Variants in RBM20 observed in about 807,000 individuals in gnomAD.
RBM20 encodes RNA-binding protein 20.
Under a neutral mutation model 110.1 loss-of-function variants are expected in RBM20, and 51 were observed. That is an observed-to-expected ratio of 0.46 (90% confidence interval 0.37 to 0.59). RBM20 has a LOEUF of 0.59. Among genes scored for constraint, RBM20 ranks in the 20% least tolerant of loss-of-function variants. The probability of loss-of-function intolerance (pLI) is 0.00; values close to 1 mark genes in which losing one functional copy is unlikely to be tolerated. For synonymous variants in RBM20, 589 were observed against 618.2 expected (o/e 0.95, Z 0.70); for missense variants, 1,512 against 1,574.9 (o/e 0.96, Z 0.68).
intron 1 of RBM20, among the ~76,000 whole-genome samples, chr10:110,710,792 A>C (rs1469734879): frequency 1.3e-5 from 2 of 152,226 alleles, no homozygotes; most frequent in African/African-American, 4.8e-5. Context: ...GAGAAGGAGA[A>C]GTGAGGTCAG....
intron 9 of RBM20, among the ~76,000 whole-genome samples, chr10:110,814,706 G>C (rs981976283): frequency 1.1e-4 from 16 of 152,190 alleles, no homozygotes; most frequent in Non-Finnish European, 2.1e-4. Flanking sequence ...ATGTTGGTCA[G>C]GCTGGTCTCG....
intron 1 of RBM20, among the ~76,000 whole-genome samples, chr10:110,729,438 C>T (rs369763394): frequency 7.4e-4 from 113 of 152,320 alleles, no homozygotes; most frequent in African/African-American, 2.4e-3. Flanking sequence ...GTGAGGTTCA[C>T]ACCCTCTTAT....
rs570026226 is a variant in RBM20 at position 110,826,247 on chromosome 10, C to T, written c.3451+2633C>T. 1.6e-4 allele frequency among the ~76,000 whole-genome samples: 25 copies of T among 152,216 alleles called. No homozygotes were observed. In the East Asian group the frequency reaches 4.6e-3, roughly 28 times the overall value. On this transcript the variant is annotated intron_variant, in intron 12 of 13. Coordinates refer to ENST00000369519, the MANE Select transcript of RBM20 (RefSeq NM_001134363.3). ...GTATCTCACCTTTTTAAAATTGGCT[C>T]TATTGAGTTATAATGGATATAAAGT...
intron 9 of RBM20, among the ~76,000 whole-genome samples, chr10:110,813,677 A>T (rs989746276): frequency 6.6e-6 from 1 of 152,086 alleles, no homozygotes; most frequent in African/African-American, 2.4e-5. Context: ...TCTACTAAAA[A>T]TACAAAAATT....
At chr10:110,714,607 C>G (rs1862988483) in intron 1 of RBM20, among the ~76,000 whole-genome samples, 1 of 152,250 alleles carries the variant, frequency 6.6e-6, no homozygotes, top group African/African-American at 2.4e-5. Context: ...GGAGGAGCTG[C>G]TGCCCCAAGA....
chr10:110,801,850 A>G (rs1003886051), intron 7 of RBM20, among the ~76,000 whole-genome samples: 17 of 152,026 alleles, frequency 1.1e-4, no homozygotes, highest in African/African-American at 4.1e-4. Context: ...TGGCCAGTTT[A>G]TCACAGTTTT....
At chr10:110,667,187 T>G (rs542943131) in intron 1 of RBM20, among the ~76,000 whole-genome samples, 174 of 152,344 alleles carry the variant, frequency 1.1e-3, no homozygotes, top group African/African-American at 4.1e-3. Flanking sequence ...AGGTCTCTGA[T>G]GTTCATTTAG....
intron 1 of RBM20, among the ~76,000 whole-genome samples, chr10:110,761,716 T>C (rs1844006661): frequency 6.6e-6 from 1 of 152,220 alleles, no homozygotes; most frequent in Non-Finnish European, 1.5e-5. Context: ...CCTCTTCTAC[T>C]TCCAGTGAGG....
intron 1 of RBM20, among the ~76,000 whole-genome samples, chr10:110,650,192 G>T (rs1342438913): frequency 6.6e-6 from 1 of 152,182 alleles, no homozygotes; most frequent in African/African-American, 2.4e-5. Context: ...GTGTGTTTTG[G>T]ATATGTTGCA....
chr10:110,811,879 A>G (rs1590695342), intron 8 of RBM20, among the ~76,000 whole-genome samples: 1 of 152,264 alleles, frequency 6.6e-6, no homozygotes, highest in East Asian at 1.9e-4. Flanking sequence ...CTTACCCACT[A>G]GGCTGGACTA....
In RBM20 at chr10:110,712,867, C is replaced by T. The variant is rs142572819; in HGVS notation, c.192-67934C>T. Among the ~76,000 whole-genome samples, 437 of 152,332 alleles carry T rather than the reference C, an allele frequency of 2.9e-3. 6 individuals are homozygous for T. The highest frequency in any genetic ancestry group is 9.7e-3 in the African/African-American group (403 of 41,582). On this transcript the variant is annotated intron_variant, in intron 1 of 13. Transcript: ENST00000369519. Reference sequence around the variant, plus strand: ...GGACTCCACTATATAATCTGTTTGGCATAAACTGTTTTTGCTCTTTTCTGT... The same window carrying T: ...GGACTCCACTATATAATCTGTTTGGTATAAACTGTTTTTGCTCTTTTCTGT...
chr10:110,678,176 G>A (rs775702843), intron 1 of RBM20, among the ~76,000 whole-genome samples: 6 of 152,182 alleles, frequency 3.9e-5, no homozygotes, highest in Non-Finnish European at 8.8e-5. Context: ...ACAATGTGGG[G>A]AAATAGAGCT....
At chr10:110,755,155 G>C (rs1445417610) in intron 1 of RBM20, among the ~76,000 whole-genome samples, 6 of 151,900 alleles carry the variant, frequency 3.9e-5, no homozygotes, top group Middle Eastern at 3.4e-3. Context: ...TATGGGTTTG[G>C]GGGGGACAGG....
At chr10:110,748,806 A>G (rs1843817406) in intron 1 of RBM20, among the ~76,000 whole-genome samples, 1 of 152,154 alleles carries the variant, frequency 6.6e-6, no homozygotes, top group Non-Finnish European at 1.5e-5. Context: ...GGCAATCATC[A>G]TGACTATTTA....
At position 110,781,421 on chromosome 10, in the gene RBM20, G is replaced by C; in HGVS notation, c.812G>C (p.Gly271Ala). Residue 271 changes from glycine (G) to alanine (A), a missense_variant, in exon 2 of 14, where the codon GGG (glycine) becomes GCG (alanine). Around this residue, in one of 3 missense-constraint regions of RBM20, gnomAD observed 1,149 missense variants for 1,169.4 expected, o/e 0.98. Coordinates refer to ENST00000369519, the MANE Select transcript of RBM20 (RefSeq NM_001134363.3). Reference protein sequence around the residue: ...VTYEGHYSHTGQDGQAAFSKD... With the variant: ...VTYEGHYSHTAQDGQAAFSKD... The stretch of plus-strand genomic sequence containing the variant: ...TATGAAGGGCACTACAGCCACACAG[G>C]GCAGGATGGTCAAGCTGCCTTTTCC... 6.4e-7 allele frequency: 1 copy of C among 1,551,654 alleles called. No homozygotes were observed. The highest frequency in any genetic ancestry group is 1.4e-5 in the African/African-American group (1 of 73,180).
chr10:110,706,419 C>A (rs570256702), intron 1 of RBM20, among the ~76,000 whole-genome samples: 1 of 152,240 alleles, frequency 6.6e-6, no homozygotes, highest in Non-Finnish European at 1.5e-5. Context: ...AGCCCTGGAC[C>A]TTGAGGTTGG....
intron 1 of RBM20, among the ~76,000 whole-genome samples, chr10:110,647,304 A>G (rs1166829640): frequency 3.3e-5 from 5 of 152,220 alleles, no homozygotes; most frequent in Admixed American, 3.3e-4. Flanking sequence ...CAGTCTTAGT[A>G]CTTATGAAGA....
At chr10:110,672,337 C>T (rs891650033) in intron 1 of RBM20, among the ~76,000 whole-genome samples, 1 of 151,796 alleles carries the variant, frequency 6.6e-6, no homozygotes, top group South Asian at 2.1e-4. Flanking sequence ...CTGAGCTCTC[C>T]GAATAATTCA....
intron 1 of RBM20, among the ~76,000 whole-genome samples, chr10:110,645,657 TA>T (rs1861857809): frequency 6.6e-6 from 1 of 152,232 alleles, no homozygotes; most frequent in African/African-American, 2.4e-5. Flanking sequence ...GTGATGGGTG[TA>T]AATGGAAGTA....
Sources: allele counts gnomAD v4.1 joint callset (sites outside exome capture counted in the v4.1 genomes callset), GRCh38; gene constraint gnomAD v4.1.1; regional missense constraint gnomAD v4.1.1; transcripts MANE v1.5; gene names NCBI Gene and HGNC (gene_info 2026-07-23, HGNC 2026-07-21).